Variants in ZNF407 observed in about 807,000 individuals in gnomAD.
ZNF407 encodes zinc finger protein 407.
ZNF407 carries 17 observed loss-of-function variants against 131.2 expected under a neutral mutation model. The ratio of observed to expected loss-of-function variants is 0.13; its 90% CI spans 0.09 to 0.19. The LOEUF is 0.19. ZNF407 is among the 10% of genes least tolerant of loss of function. The pLI is 1.00. For synonymous variants in ZNF407, 1,156 were observed against 1,062.0 expected (o/e 1.09, Z -1.72); for missense variants, 2,681 against 2,830.6 (o/e 0.95, Z 1.20).
At chr18:74,844,153 G>GAC (rs901513313) in intron 4 of ZNF407, among the ~76,000 whole-genome samples, 3 of 152,072 alleles carry the variant, frequency 2.0e-5, no homozygotes, top group Admixed American at 6.5e-5. Context: ...CATGCTTGCT[G>GAC]ACACCATCCT....
intron 8 of ZNF407, among the ~76,000 whole-genome samples, chr18:75,027,279 G>A (rs1250470192): frequency 6.6e-6 from 1 of 152,220 alleles, no homozygotes; most frequent in East Asian, 1.9e-4. Context: ...AGAGGGTGGT[G>A]CATAGGCAAT....
chr18:74,605,728 CA>C (rs1982775387), intron 1 of ZNF407, among the ~76,000 whole-genome samples: 1 of 152,120 alleles, frequency 6.6e-6, no homozygotes, highest in South Asian at 2.1e-4. Flanking sequence ...ATGAAAACCA[CA>C]TTTTTTTAAA....
intron 8 of ZNF407, among the ~76,000 whole-genome samples, chr18:74,933,625 T>C (rs1316000545): frequency 6.6e-6 from 1 of 152,230 alleles, no homozygotes; most frequent in Non-Finnish European, 1.5e-5. Context: ...TTTTCTGTCT[T>C]CCACACTTAC....
chr18:74,901,331 A>G (rs1971522011), intron 7 of ZNF407, among the ~76,000 whole-genome samples: 2 of 152,184 alleles, frequency 1.3e-5, no homozygotes, highest in African/African-American at 2.4e-5. Context: ...TTTCAACCTT[A>G]AAAACAGTGA....
chr18:74,714,131 A>G (rs903484940), intron 3 of ZNF407, among the ~76,000 whole-genome samples: 7 of 152,222 alleles, frequency 4.6e-5, no homozygotes, highest in African/African-American at 1.7e-4. Context: ...ATGAATTTGA[A>G]TCGCTTATTA....
intron 8 of ZNF407, among the ~76,000 whole-genome samples, chr18:74,996,808 T>C (rs1290288796): frequency 2.6e-5 from 4 of 152,244 alleles, no homozygotes; most frequent in Admixed American, 2.6e-4. Context: ...ACCAATGAAT[T>C]GAATTGTCTG....
intron 6 of ZNF407, among the ~76,000 whole-genome samples, chr18:74,882,059 C>G (rs1426463423): frequency 6.6e-6 from 1 of 152,190 alleles, no homozygotes; most frequent in Non-Finnish European, 1.5e-5. Flanking sequence ...TCCCATGATT[C>G]AGTTACCTCC....
chr18:74,628,311 T>C (rs746453196), intron 1 of ZNF407, among the ~76,000 whole-genome samples: 10 of 152,176 alleles, frequency 6.6e-5, no homozygotes, highest in Non-Finnish European at 1.5e-4. Flanking sequence ...ATTATATTCA[T>C]GGATGTGTGC....
chr18:75,058,875 C>T (rs75694090), intron 8 of ZNF407, among the ~76,000 whole-genome samples: 5,553 of 152,312 alleles, frequency 0.036, 171 homozygotes, highest in African/African-American at 0.078. Flanking sequence ...ATTAATTCAT[C>T]ATGGTTGAAA....
At chr18:74,857,515 G>A (rs1165409998) in intron 4 of ZNF407, among the ~76,000 whole-genome samples, 1 of 151,936 alleles carries the variant, frequency 6.6e-6, no homozygotes, top group African/African-American at 2.4e-5. Flanking sequence ...TCATAAATAA[G>A]TTTAATTTTA....
chr18:74,801,691 T>C (rs1002147178), intron 4 of ZNF407, among the ~76,000 whole-genome samples: 2 of 152,194 alleles, frequency 1.3e-5, no homozygotes, highest in Non-Finnish European at 2.9e-5. Flanking sequence ...TTGCTGCCAG[T>C]GATAGCTGTA....
chr18:74,664,000 G>A (rs1219290004), intron 3 of ZNF407, among the ~76,000 whole-genome samples: 3 of 152,204 alleles, frequency 2.0e-5, no homozygotes, highest in Non-Finnish European at 4.4e-5. Flanking sequence ...GGAAATGTTT[G>A]TGCAGAGGCC....
chr18:74,642,195 G>C (rs1013854917), intron 3 of ZNF407, among the ~76,000 whole-genome samples: 3 of 152,040 alleles, frequency 2.0e-5, no homozygotes, highest in Non-Finnish European at 2.9e-5. Context: ...TATGAACCAT[G>C]GTCTGTGGAA....
At chr18:74,839,248 T>C (rs948361379) in intron 4 of ZNF407, among the ~76,000 whole-genome samples, 6 of 152,220 alleles carry the variant, frequency 3.9e-5, no homozygotes, top group African/African-American at 1.4e-4. Context: ...ATTAAATTAC[T>C]TACTATTAGA....
chr18:75,063,963 A>G lies in ZNF407; in HGVS notation c.6242A>G (p.Gln2081Arg). 6.2e-7 allele frequency: 1 copy of G among 1,613,700 alleles called. No individual in the cohort carries two copies. The highest frequency in any genetic ancestry group is 8.5e-7 in the Non-Finnish European group (1 of 1,179,846). Residue 2081 changes from glutamine (Q) to arginine (R), a missense_variant, in exon 9 of 9, where the codon CAG (glutamine) becomes CGG (arginine). Gln to Arg is a conservative substitution (Grantham distance 43). Transcript: ENST00000299687. This position sits in a 1 kb window ranked among gnomAD's most constrained non-coding sequence, Gnocchi z 6.6. ...CAGGTGGCCTTCAAGAAGATGGTCC[A>G]GGGCGTCCTCCAGTTTGCTGTGTGT... ...RAQVAFKKMV[Q>R]GVLQFAVCDT...
intron 8 of ZNF407, among the ~76,000 whole-genome samples, chr18:75,005,234 A>C (rs1162022011): frequency 6.6e-6 from 1 of 152,204 alleles, no homozygotes; most frequent in African/African-American, 2.4e-5. Flanking sequence ...CGGGCAGTAC[A>C]GAAATAATTA....
chr18:74,948,200 C>A (rs950112482), intron 8 of ZNF407, among the ~76,000 whole-genome samples: 5 of 152,186 alleles, frequency 3.3e-5, no homozygotes, highest in African/African-American at 1.2e-4. Context: ...TTTTCATCAT[C>A]CTTTGTACAG....
At chr18:74,701,080 C>T (rs1001433421) in intron 3 of ZNF407, among the ~76,000 whole-genome samples, 2 of 152,158 alleles carry the variant, frequency 1.3e-5, no homozygotes, top group Admixed American at 1.3e-4. Context: ...CCTCCGCATG[C>T]ACACTTGTCC....
chr18:74,808,929 T>C (rs962070572), intron 4 of ZNF407, among the ~76,000 whole-genome samples: 1 of 152,202 alleles, frequency 6.6e-6, no homozygotes, highest in Non-Finnish European at 1.5e-5. Flanking sequence ...TATTGGTCTG[T>C]GGGGAATAAA....
Sources: allele counts gnomAD v4.1 joint callset (sites outside exome capture counted in the v4.1 genomes callset), GRCh38; gene constraint gnomAD v4.1.1; non-coding constraint Gnocchi (gnomAD v3.1); transcripts MANE v1.5; gene names NCBI Gene and HGNC (gene_info 2026-07-23, HGNC 2026-07-21).